SCFD2: variants seen among roughly 807,000 people sequenced by gnomAD.
SCFD2 encodes sec1 family domain-containing protein 2.
In SCFD2, 54 loss-of-function variants were observed where a neutral mutation model predicts 58.9. That is an observed-to-expected ratio of 0.92 (90% CI 0.74 to 1.15). The LOEUF is 1.15. Among genes scored for constraint, SCFD2 ranks in the 50% most tolerant of loss-of-function variants. SCFD2 has a pLI of 0.00. For missense variants in SCFD2, 805 were observed against 836.6 expected, an observed-to-expected ratio of 0.96 and a Z score of 0.47; for synonymous variants, 321 against 335.9, an observed-to-expected ratio of 0.96 and a Z score of 0.49.
intron 5 of SCFD2, among the ~76,000 whole-genome samples, chr4:53,015,019 A>T (rs1335893897): frequency 6.6e-6 from 1 of 152,230 alleles, no homozygotes; most frequent in Non-Finnish European, 1.5e-5. Flanking sequence ...GTTTTGAATA[A>T]AAACTAGACA....
chr4:53,141,741 TGAA>T (rs2148909606), intron 5 of SCFD2, among the ~76,000 whole-genome samples: 1 of 152,260 alleles, frequency 6.6e-6, no homozygotes, highest in Non-Finnish European at 1.5e-5. Context: ...TGGCTCAGGC[TGAA>T]GAAGCCTCAG....
intron 3 of SCFD2, among the ~76,000 whole-genome samples, chr4:53,275,488 T>C (rs1560424412): frequency 6.6e-6 from 1 of 152,218 alleles, no homozygotes; most frequent in African/African-American, 2.4e-5. Flanking sequence ...AAAACCTCAT[T>C]AATACTTTGT....
rs1553914311 is a variant in SCFD2, at chr4:53,012,376, T to TCTCA, written c.1562-91507_1562-91506insTGAG. ...CTCTTTCTCTCTCTCTCTCTCTCTC[T>TCTCA]CACACACACACACACACACACAAAA... On this transcript the variant is annotated intron_variant, in intron 5 of 8. Coordinates refer to ENST00000401642, the MANE Select transcript of SCFD2 (RefSeq NM_152540.4). 2.2e-3 allele frequency among the ~76,000 whole-genome samples: 331 copies of TCTCA among 147,978 alleles called. 2 individuals carry two copies. Among genetic ancestry groups the TCTCA allele is most frequent in the East Asian group, 8.4e-3 (42 of 5,014 alleles).
chr4:53,161,355 T>C (rs1340543488), intron 4 of SCFD2, among the ~76,000 whole-genome samples: 1 of 152,194 alleles, frequency 6.6e-6, no homozygotes, highest in Non-Finnish European at 1.5e-5. Context: ...AGAACAGAGC[T>C]ATCTACTTAG....
intron 4 of SCFD2, among the ~76,000 whole-genome samples, chr4:53,163,358 G>A (rs569706478): frequency 4.6e-5 from 7 of 152,214 alleles, no homozygotes; most frequent in South Asian, 2.1e-4. Flanking sequence ...AGAACTCACT[G>A]GCTTCTTCCA....
intron 3 of SCFD2, among the ~76,000 whole-genome samples, chr4:53,307,957 T>G (rs1353967375): frequency 6.6e-6 from 1 of 152,190 alleles, no homozygotes; most frequent in Non-Finnish European, 1.5e-5. Flanking sequence ...GGTTTCCCTC[T>G]AGTTCCCCTT....
intron 5 of SCFD2, among the ~76,000 whole-genome samples, chr4:53,134,982 G>C (rs972741820): frequency 6.6e-6 from 1 of 151,744 alleles, no homozygotes; most frequent in Admixed American, 6.6e-5. Context: ...CCACTTAAAT[G>C]GTAACTTTAT....
intron 3 of SCFD2, among the ~76,000 whole-genome samples, chr4:53,283,299 TTTG>T (rs1422974205): frequency 6.6e-6 from 1 of 152,228 alleles, no homozygotes; most frequent in African/African-American, 2.4e-5. Flanking sequence ...AATCTCATTT[TTTG>T]TTGTTTCTGT....
chr4:53,127,760 A>G (rs1366424089), intron 5 of SCFD2, among the ~76,000 whole-genome samples: 1 of 152,102 alleles, frequency 6.6e-6, no homozygotes, highest in African/African-American at 2.4e-5. Context: ...GGAATGAAAG[A>G]AAAAAATGGC....
chr4:52,930,463 G>T (rs949135294), intron 5 of SCFD2, among the ~76,000 whole-genome samples: 4 of 152,138 alleles, frequency 2.6e-5, no homozygotes, highest in African/African-American at 4.8e-5. Context: ...AAGATTTCAT[G>T]ACAAAAATAT....
chr4:53,070,211 T>G (rs1399032085), intron 5 of SCFD2, among the ~76,000 whole-genome samples: 1 of 152,088 alleles, frequency 6.6e-6, no homozygotes, highest in Admixed American at 6.6e-5. Flanking sequence ...TTCTTAGAGT[T>G]GGTTTTATCA....
At chr4:53,215,228 A>G (rs1728778274) in intron 4 of SCFD2, among the ~76,000 whole-genome samples, 2 of 152,088 alleles carry the variant, frequency 1.3e-5, no homozygotes, top group Non-Finnish European at 2.9e-5. Context: ...CATTGAATCT[A>G]TAAATTACCT....
At chr4:53,332,754 T>C (rs964777150) in intron 2 of SCFD2, among the ~76,000 whole-genome samples, 14 of 151,684 alleles carry the variant, frequency 9.2e-5, no homozygotes, top group Admixed American at 2.0e-4. Flanking sequence ...CCAGGGCAAT[T>C]AGGCAGGAGA....
At chr4:53,314,525 G>A (rs1463199516) in intron 2 of SCFD2, among the ~76,000 whole-genome samples, 2 of 152,156 alleles carry the variant, frequency 1.3e-5, no homozygotes, top group African/African-American at 4.8e-5. Flanking sequence ...ATACACATTT[G>A]TAGTAACGTT....
intron 5 of SCFD2, among the ~76,000 whole-genome samples, chr4:52,969,402 A>G (rs947419023): frequency 2.6e-5 from 4 of 152,212 alleles, no homozygotes; most frequent in African/African-American, 7.2e-5. Context: ...TGGTAGGAAA[A>G]TGGTTTAGGA....
intron 4 of SCFD2, 200 bp downstream of exon 4, chr4:53,273,626 G>T: frequency 2.1e-6 from 1 of 474,714 alleles, no homozygotes; most frequent in Non-Finnish European, 3.7e-6. Context: ...AGCCAAAGAT[G>T]TTACTGTCAA....
intron 5 of SCFD2, among the ~76,000 whole-genome samples, chr4:52,968,278 T>A (rs1408042525): frequency 6.6e-6 from 1 of 152,258 alleles, no homozygotes; most frequent in Non-Finnish European, 1.5e-5. Context: ...TGTTTGACAT[T>A]TTAAATGCTG....
chr4:52,986,229 G>GTT (rs11432484), intron 5 of SCFD2, among the ~76,000 whole-genome samples: 396 of 149,608 alleles, frequency 2.6e-3, no homozygotes, highest in African/African-American at 7.4e-3. Flanking sequence ...AAAGGGTAAA[G>GTT]TTTTTTTTTT....
intron 4 of SCFD2, among the ~76,000 whole-genome samples, chr4:53,194,590 T>G (rs1382665651): frequency 2.0e-5 from 3 of 152,190 alleles, no homozygotes; most frequent in African/African-American, 7.2e-5. Context: ...CAATTTATTG[T>G]TGAAACTAGA....
Sources: gnomAD v4.1 joint callset for allele counts (sites outside exome capture counted in the v4.1 genomes callset) on GRCh38, gnomAD v4.1.1 for gene constraint, MANE v1.5 for transcripts, NCBI Gene and HGNC (gene_info 2026-07-23, HGNC 2026-07-21) for gene names.